The following FAM220A variants were observed in gnomAD, a reference collection of about 807,000 sequenced individuals.
The protein encoded by FAM220A is family with sequence similarity 220 member A.
For missense variants in FAM220A, 392 were observed against 321.6 expected (o/e 1.22, Z -1.68); for synonymous variants, 141 against 130.7 (o/e 1.08, Z -0.54).
chr7:6,343,453 G>C (rs1227823974), intron 1 of FAM220A, among the ~76,000 whole-genome samples: 1 of 125,132 alleles, frequency 8.0e-6, no homozygotes, highest in Non-Finnish European at 1.6e-5. Context: ...TATGATCTAG[G>C]ACTAAGAAAC....
intron 1 of FAM220A, among the ~76,000 whole-genome samples, chr7:6,347,623 G>A (rs1184198431): frequency 6.6e-6 from 1 of 152,040 alleles, no homozygotes; most frequent in Admixed American, 6.6e-5. Context: ...CCTCTGAGAC[G>A]TTTTGTGCTT....
chr7:6,348,527 G>A (rs1408045042), intron 1 of FAM220A, 46 bp downstream of exon 1: 1 of 413,430 alleles, frequency 2.4e-6, no homozygotes. Context: ...CGGGCGAGGC[G>A]GGCGCTCGGG....
chr7:6,333,578 A>G (rs1266592957), intron 1 of FAM220A, among the ~76,000 whole-genome samples: 1 of 152,040 alleles, frequency 6.6e-6, no homozygotes, highest in African/African-American at 2.4e-5. Flanking sequence ...AGCTCACTGC[A>G]GCCTGTAACT....
At position 6,330,245 on chromosome 7, in the gene FAM220A, A is replaced by G. The variant is rs764242276; in HGVS notation, c.*130T>C. 3.4e-6 allele frequency: 3 copies of G among 892,204 alleles called. No individual in the cohort carries two copies. The highest frequency in any genetic ancestry group is 5.1e-6 in the Non-Finnish European group (3 of 591,208). 55.3% of individuals were successfully genotyped at this position (892,204 alleles called of 1,614,324 possible). On this transcript the variant is annotated 3_prime_UTR_variant, in exon 2 of 2. Transcript: ENST00000313324. ...TTGAATTTAAACTCAATTTACTTTA[A>G]GTCTGCCAGGTCGTACAAAACTACA...
At chr7:6,332,417 A>G (rs1781655626) in intron 1 of FAM220A, among the ~76,000 whole-genome samples, 2 of 152,170 alleles carry the variant, frequency 1.3e-5, no homozygotes, top group African/African-American at 4.8e-5. Context: ...CTCACTTTTG[A>G]GTGTTGTCTG....
rs1259129216 is a variant in FAM220A at position 6,329,702 on chromosome 7, G to C, written c.*673C>G. 3 of 165,870 alleles carry C rather than the reference G, an allele frequency of 1.8e-5. No individual in the cohort carries two copies. Among genetic ancestry groups the C allele is most frequent in the Non-Finnish European group, 4.4e-5 (3 of 68,120 alleles). The allele number at this position is 165,870 out of a possible 1,614,324, so 10.3% of individuals were successfully genotyped here. A position where few individuals can be genotyped will look rare whatever the true frequency, so the allele number is the denominator to read the frequency against. On this transcript the variant is annotated 3_prime_UTR_variant, in exon 2 of 2. Transcript: ENST00000313324. Reference sequence around the variant, plus strand: ...AAACTTTTTATGTGGGAAATAACTCGATTTGCTTCTCTGTAACTGAGCTAC... The same window carrying C: ...AAACTTTTTATGTGGGAAATAACTCCATTTGCTTCTCTGTAACTGAGCTAC...
intron 1 of FAM220A, among the ~76,000 whole-genome samples, chr7:6,333,307 C>A (rs1006894692): frequency 5.9e-5 from 9 of 151,976 alleles, no homozygotes; most frequent in Non-Finnish European, 1.3e-4. Flanking sequence ...GTGATTGGAG[C>A]CAGCCGAGAA....
rs534190637 is a variant in FAM220A, at chr7:6,332,419, T to C, written c.-81-1184A>G. ...ATCTATCTGTAAACTCACTTTTGAG[T>C]GTTGTCTGAATTTTCCTTTAAACTG... On this transcript the variant is annotated intron_variant, in intron 1 of 1. Coordinates refer to ENST00000313324, the MANE Select transcript of FAM220A (RefSeq NM_001037163.2). Among the ~76,000 whole-genome samples the C allele has an allele frequency of 8.5e-5, 13 of 152,288 alleles. 1 individual carries two copies. The South Asian group carries it at 2.3e-3, about 27-fold the overall frequency.
chr7:6,345,553 G>A (rs776882956), intron 1 of FAM220A, among the ~76,000 whole-genome samples: 2 of 152,102 alleles, frequency 1.3e-5, no homozygotes, highest in African/African-American at 4.8e-5. Flanking sequence ...TATGAAAAAG[G>A]TAACTGTTTC....
At chr7:6,334,502 C>T (rs1277779903) in intron 1 of FAM220A, among the ~76,000 whole-genome samples, 1 of 152,126 alleles carries the variant, frequency 6.6e-6, no homozygotes, top group Non-Finnish European at 1.5e-5. Context: ...GAGTCTCACT[C>T]TGTCACCCAG....
At chr7:6,342,190 TTTTC>T (rs928007925) in intron 1 of FAM220A, among the ~76,000 whole-genome samples, 6 of 152,092 alleles carry the variant, frequency 3.9e-5, no homozygotes, top group East Asian at 1.9e-4. Context: ...TTCCTTTCTT[TTTTC>T]TTTCTTTTTC....
At chr7:6,331,935 G>C (rs1245071881) in intron 1 of FAM220A, among the ~76,000 whole-genome samples, 1 of 151,646 alleles carries the variant, frequency 6.6e-6, no homozygotes, top group African/African-American at 2.4e-5. Context: ...TAGTAGAGAT[G>C]AGGGTTCGCC....
rs367817067 is a variant in FAM220A at position 6,330,561 on chromosome 7, C to T, written c.594G>A (p.Val198=). Residue 198 remains valine, a synonymous_variant, in exon 2 of 2, where the codon GTG becomes GTA. Coordinates refer to ENST00000313324, the MANE Select transcript of FAM220A (RefSeq NM_001037163.2). ...LHSILSATLH[V]YPEVLLSEET... ...CCTCACTCAGGAGCACTTCGGGATA[C>T]ACGTGCAGCGTTGCAGACAGGATGG... The T allele has an allele frequency of 6.2e-7, 1 of 1,614,176 alleles. No individual in the cohort carries two copies. The highest frequency in any genetic ancestry group is 2.2e-5 in the East Asian group (1 of 44,884).
chr7:6,348,955 G>C lies in FAM220A; in HGVS notation c.-464C>G. ...CGCGAGCAGCCGCCTGTACCAGCCT[G>C]GCCGCGCAGCCTGACGTCACAAAGC... On this transcript the variant is annotated 5_prime_UTR_variant, in exon 1 of 2. Transcript: ENST00000313324. 2 of 377,670 alleles carry C rather than the reference G, an allele frequency of 5.3e-6. No homozygotes were observed. The highest frequency in any genetic ancestry group is 9.4e-6 in the Non-Finnish European group (2 of 213,462). 23.4% of individuals were successfully genotyped at this position (377,670 alleles called of 1,614,324 possible).
intron 1 of FAM220A, among the ~76,000 whole-genome samples, chr7:6,336,506 C>T (rs1344608137): frequency 6.6e-6 from 1 of 152,000 alleles, no homozygotes; most frequent in African/African-American, 2.4e-5. Context: ...CACAGGGAAA[C>T]CCTATCTCTA....
chr7:6,346,889 A>G (rs572274357), intron 1 of FAM220A, among the ~76,000 whole-genome samples: 2 of 152,318 alleles, frequency 1.3e-5, no homozygotes, highest in Admixed American at 1.3e-4. Flanking sequence ...GAGCAACCCA[A>G]GGACCGTCCA....
chr7:6,340,765 G>C (rs963911564), intron 1 of FAM220A, among the ~76,000 whole-genome samples: 4 of 151,584 alleles, frequency 2.6e-5, no homozygotes, highest in South Asian at 2.1e-4. Context: ...CGGGCGTGGT[G>C]GTGGGCACCT....
chr7:6,340,286 G>A (rs1194477047), intron 1 of FAM220A, among the ~76,000 whole-genome samples: 3 of 152,114 alleles, frequency 2.0e-5, no homozygotes, highest in Non-Finnish European at 4.4e-5. Flanking sequence ...AGCTGCTGTC[G>A]ATCAGAATCA....
chr7:6,346,794 G>A (rs145467757), intron 1 of FAM220A, among the ~76,000 whole-genome samples: 1 of 152,216 alleles, frequency 6.6e-6, no homozygotes, highest in East Asian at 1.9e-4. Flanking sequence ...ATCATACTTT[G>A]ATATGGCCAA....
Sources: allele counts gnomAD v4.1 joint callset (sites outside exome capture counted in the v4.1 genomes callset), GRCh38; gene constraint gnomAD v4.1.1; transcripts MANE v1.5; gene names NCBI Gene and HGNC (gene_info 2026-07-23, HGNC 2026-07-21).